The following FHIT variants were observed in gnomAD, a reference collection of about 807,000 sequenced individuals.
FHIT encodes fragile histidine triad diadenosine triphosphatase.
A neutral mutation model predicts 17.9 loss-of-function variants in FHIT; 19 were observed. The observed-to-expected ratio is 1.06, with a 90% confidence interval of 0.74 to 1.56. The LOEUF is 1.56. Among genes scored for constraint, FHIT ranks in the 40% most tolerant of loss-of-function variants. The pLI, the probability that FHIT is intolerant of heterozygous loss-of-function variation, is 0.00. For missense variants in FHIT, 248 were observed against 189.2 expected (o/e 1.31, Z -1.82); for synonymous variants, 81 against 69.7 (o/e 1.16, Z -0.81).
intron 5 of FHIT, among the ~76,000 whole-genome samples, chr3:60,466,920 G>A (rs990970771): frequency 6.7e-6 from 1 of 150,328 alleles, no homozygotes; most frequent in Admixed American, 6.6e-5. Flanking sequence ...TTCCTCATCA[G>A]TTTTATGAAA....
intron 5 of FHIT, among the ~76,000 whole-genome samples, chr3:60,256,142 C>T (rs1033962673): frequency 3.9e-5 from 6 of 152,112 alleles, no homozygotes; most frequent in Non-Finnish European, 8.8e-5. Context: ...TTTTATTTGT[C>T]TTCTTGACTC....
intron 2 of FHIT, among the ~76,000 whole-genome samples, chr3:61,060,170 T>C (rs931576281): frequency 3.3e-5 from 5 of 152,226 alleles, no homozygotes; most frequent in Non-Finnish European, 1.5e-5. Context: ...GTGTATATAG[T>C]TCGCATAGAT....
chr3:59,887,095 T>C (rs73100675), intron 8 of FHIT, among the ~76,000 whole-genome samples: 11,151 of 152,116 alleles, frequency 0.073, 458 homozygotes, highest in South Asian at 0.11. Flanking sequence ...AGTAACAACA[T>C]GGAAAGAAAA....
rs186764694 is a variant in FHIT, at chr3:60,236,510, T to C, written c.104-222358A>G. On this transcript the variant is annotated intron_variant, in intron 5 of 9. Coordinates refer to ENST00000492590, the MANE Select transcript of FHIT (RefSeq NM_002012.4). The stretch of plus-strand genomic sequence containing the variant: ...TTCAGTCTTAAACACTGTTAAAATT[T>C]CAAGGTAAGCATCACTGAAAACTGA... Among the ~76,000 whole-genome samples the C allele has an allele frequency of 1.3e-3, 203 of 152,246 alleles. 2 individuals are homozygous for C. The highest frequency in any genetic ancestry group is 3.1e-4 in the Non-Finnish European group (21 of 68,008).
chr3:60,861,806 T>C (rs1703914332), intron 3 of FHIT, among the ~76,000 whole-genome samples: 1 of 152,016 alleles, frequency 6.6e-6, no homozygotes, highest in Non-Finnish European at 1.5e-5. Flanking sequence ...ATATAATCCT[T>C]TTTTAAAAAA....
chr3:60,732,224 C>T, intron 4 of FHIT: 1 of 833,992 alleles, frequency 1.2e-6, no homozygotes, highest in Non-Finnish European at 2.1e-6. Flanking sequence ...TCCATGGCCT[C>T]CATGATATTC....
At chr3:60,975,796 T>A (rs1468328503) in intron 3 of FHIT, among the ~76,000 whole-genome samples, 2 of 152,210 alleles carry the variant, frequency 1.3e-5, no homozygotes, top group Admixed American at 1.3e-4. Flanking sequence ...ATAATTTCAC[T>A]AAAAGCAATC....
At chr3:61,139,675 G>A (rs1167514847) in intron 2 of FHIT, among the ~76,000 whole-genome samples, 2 of 152,000 alleles carry the variant, frequency 1.3e-5, no homozygotes, top group African/African-American at 2.4e-5. Context: ...TGTAATAGAC[G>A]CTTCAATAAA....
intron 5 of FHIT, among the ~76,000 whole-genome samples, chr3:60,474,692 C>T (rs373031017): frequency 1.9e-4 from 29 of 151,554 alleles, no homozygotes; most frequent in South Asian, 8.4e-4. Flanking sequence ...GGCACAATCT[C>T]GGCTCACCAC....
chr3:59,971,661 T>C (rs1269289966), intron 7 of FHIT, among the ~76,000 whole-genome samples: 1 of 151,980 alleles, frequency 6.6e-6, no homozygotes, highest in Non-Finnish European at 1.5e-5. Context: ...GAGAAAAGGG[T>C]CTTGGAAGTT....
chr3:60,064,399 C>T (rs212008), intron 5 of FHIT, among the ~76,000 whole-genome samples: 6,426 of 152,294 alleles, frequency 0.042, 185 homozygotes, highest in South Asian at 0.093. Flanking sequence ...AAACCACCCT[C>T]ATACCTTGTC....
At chr3:60,473,279 T>C (rs888518938) in intron 5 of FHIT, among the ~76,000 whole-genome samples, 2 of 152,132 alleles carry the variant, frequency 1.3e-5, no homozygotes, top group African/African-American at 4.8e-5. Context: ...CAAAGAGTAA[T>C]TAAAGCACTT....
chr3:60,670,851 C>T (rs918272177), intron 4 of FHIT, among the ~76,000 whole-genome samples: 1 of 152,070 alleles, frequency 6.6e-6, no homozygotes, highest in Non-Finnish European at 1.5e-5. Context: ...ATGGACTTAA[C>T]GGGGTTCTGA....
chr3:60,581,476 T>G (rs2037747954), intron 4 of FHIT, among the ~76,000 whole-genome samples: 1 of 152,044 alleles, frequency 6.6e-6, no homozygotes, highest in Non-Finnish European at 1.5e-5. Flanking sequence ...TTAAGAACTC[T>G]AGGAGGTAGG....
chr3:60,486,788 G>A (rs562986833), intron 5 of FHIT, among the ~76,000 whole-genome samples: 104 of 152,140 alleles, frequency 6.8e-4, no homozygotes, highest in Middle Eastern at 6.8e-3. Flanking sequence ...ACCAATAAAC[G>A]TGATCTTTGA....
At position 60,128,503 on chromosome 3, in the gene FHIT, C is replaced by T. The variant is rs529039257; in HGVS notation, c.104-114351G>A. Among the ~76,000 whole-genome samples the T allele has an allele frequency of 4.6e-5, 7 of 152,288 alleles. No individual in the cohort carries two copies. The East Asian group carries it at 7.7e-4, about 17-fold the overall frequency. The stretch of plus-strand genomic sequence containing the variant: ...CTTTCCTTTATAAATTGTCCAGTCT[C>T]GGATATGTCTATTAGCAGCATGAAA... On this transcript the variant is annotated intron_variant, in intron 5 of 9. Transcript: ENST00000492590.
intron 8 of FHIT, among the ~76,000 whole-genome samples, chr3:59,823,855 A>C (rs1234528522): frequency 1.3e-5 from 2 of 152,338 alleles, no homozygotes; most frequent in African/African-American, 4.8e-5. Context: ...CAGAGTAATC[A>C]GACAAGAGAG....
chr3:60,186,911 G>A lies in FHIT; in HGVS notation c.104-172759C>T, dbSNP rs562108697. Among the ~76,000 whole-genome samples, 96 of 152,002 alleles carry A rather than the reference G, an allele frequency of 6.3e-4. 1 individual carries two copies. The highest frequency in any genetic ancestry group is 2.2e-3 in the African/African-American group (92 of 41,456). ...GCATAAGATATTTAAATTCAAATGGGAGCTTTCTACTCTAGCTCCCACTGA... is the reference window on the plus strand; with the variant it reads ...GCATAAGATATTTAAATTCAAATGGAAGCTTTCTACTCTAGCTCCCACTGA... On this transcript the variant is annotated intron_variant, in intron 5 of 9. Coordinates refer to ENST00000492590, the MANE Select transcript of FHIT (RefSeq NM_002012.4).
intron 5 of FHIT, among the ~76,000 whole-genome samples, chr3:60,143,843 C>T (rs1034443085): frequency 6.6e-6 from 1 of 152,074 alleles, no homozygotes; most frequent in Non-Finnish European, 1.5e-5. Context: ...CTCTGGAATA[C>T]AGTCACCAAA....
Sources: gnomAD v4.1 joint callset for allele counts (sites outside exome capture counted in the v4.1 genomes callset) on GRCh38, gnomAD v4.1.1 for gene constraint, MANE v1.5 for transcripts, NCBI Gene and HGNC (gene_info 2026-07-23, HGNC 2026-07-21) for gene names.